Variants in RFX8 observed in about 807,000 individuals in gnomAD.
RFX8 encodes the protein DNA-binding protein RFX8.
Under a neutral mutation model 54.6 loss-of-function variants are expected in RFX8, and 46 were observed. The ratio of observed to expected loss-of-function variants is 0.84; its 90% confidence interval spans 0.67 to 1.08. RFX8 has a LOEUF of 1.08. Among genes scored for constraint, RFX8 ranks in the 50% least tolerant of loss-of-function variants. The pLI is 0.00. For synonymous variants in RFX8, 192 were observed against 209.5 expected (o/e 0.92, Z 0.72); for missense variants, 536 against 562.3 (o/e 0.95, Z 0.47).
intron 2 of RFX8, among the ~76,000 whole-genome samples, chr2:101,428,608 C>T (rs1022930173): frequency 2.0e-5 from 3 of 152,234 alleles, no homozygotes; most frequent in African/African-American, 7.2e-5. Flanking sequence ...ATTAGTTATT[C>T]ATAGTTCTGG....
At chr2:101,401,032 A>G (rs560153124) in intron 11 of RFX8, among the ~76,000 whole-genome samples, 3 of 152,218 alleles carry the variant, frequency 2.0e-5, no homozygotes, top group Non-Finnish European at 2.9e-5. Flanking sequence ...AGCACCCCCA[A>G]GTTGGGGTCA....
intron 2 of RFX8, among the ~76,000 whole-genome samples, chr2:101,423,792 C>T (rs183011144): frequency 1.1e-4 from 16 of 152,264 alleles, no homozygotes; most frequent in Admixed American, 7.2e-4. Flanking sequence ...GCTCAGACAC[C>T]ATCCCACACA....
chr2:101,453,863 AT>A (rs1431598152), intron 2 of RFX8, among the ~76,000 whole-genome samples: 1 of 151,860 alleles, frequency 6.6e-6, no homozygotes, highest in Non-Finnish European at 1.5e-5. Flanking sequence ...TAATTTTACC[AT>A]TTTCCTCTTT....
At chr2:101,470,738 G>C (rs1327586104) in intron 1 of RFX8, among the ~76,000 whole-genome samples, 1 of 22,124 alleles carries the variant, frequency 4.5e-5, no homozygotes, top group Non-Finnish European at 9.1e-5. Context: ...TTTTTTTTTT[G>C]AGATGGAGTC....
At chr2:101,411,630 A>T (rs1190893492) in intron 8 of RFX8, among the ~76,000 whole-genome samples, 1 of 152,096 alleles carries the variant, frequency 6.6e-6, no homozygotes, top group African/African-American at 2.4e-5. Flanking sequence ...AGAATTACTA[A>T]TCAGAATTAG....
intron 2 of RFX8, among the ~76,000 whole-genome samples, chr2:101,457,338 G>A (rs1689030220): frequency 6.6e-6 from 1 of 152,058 alleles, no homozygotes; most frequent in Non-Finnish European, 1.5e-5. Context: ...TCTCTTGTGG[G>A]CATTTAGTGC....
At chr2:101,406,113 A>G (rs911147147) in intron 9 of RFX8, 56 bp from the exon 10 acceptor site, 7 of 1,031,514 alleles carry the variant, frequency 6.8e-6, no homozygotes, top group Non-Finnish European at 1.0e-5. Flanking sequence ...CAAGAAGCAT[A>G]GTATGTTTTC....
At chr2:101,431,707 C>T (rs1040887566) in intron 2 of RFX8, among the ~76,000 whole-genome samples, 7 of 152,202 alleles carry the variant, frequency 4.6e-5, no homozygotes, top group South Asian at 2.1e-4. Context: ...ATGCTCATTA[C>T]GACTGAGTAA....
Position 101,474,215 on chromosome 2 carries a change from C to T in RFX8, c.-53+421G>A, listed in dbSNP as rs550220562. The stretch of plus-strand genomic sequence containing the variant: ...CTGGCGGCTCACCACTGGATGACGC[C>T]GCTGTGCGGGCCCCGGCTACCCTCG... On this transcript the variant is annotated intron_variant, in intron 1 of 11. Transcript: ENST00000428343. 1.0e-4 allele frequency: 61 copies of T among 601,704 alleles called. No homozygotes were observed. In the South Asian group the frequency reaches 1.0e-3, roughly 10 times the overall value. 37.3% of individuals were successfully genotyped at this position (601,704 alleles called of 1,614,324 possible). A position where few individuals can be genotyped will look rare whatever the true frequency, so the allele number is the denominator to read the frequency against.
intron 2 of RFX8, among the ~76,000 whole-genome samples, chr2:101,445,634 T>C (rs1030066349): frequency 3.9e-5 from 6 of 151,936 alleles, no homozygotes; most frequent in Admixed American, 1.3e-4. Flanking sequence ...CTTGCTTTAT[T>C]GCCCAGGCTG....
At chr2:101,467,143 TTTTG>T (rs1689616013) in intron 1 of RFX8, among the ~76,000 whole-genome samples, 1 of 152,184 alleles carries the variant, frequency 6.6e-6, no homozygotes, top group African/African-American at 2.4e-5. Flanking sequence ...GTGTTTCTGT[TTTTG>T]TTTGTTTCCT....
chr2:101,462,262 T>C (rs536455995), intron 2 of RFX8, among the ~76,000 whole-genome samples: 33 of 152,264 alleles, frequency 2.2e-4, no homozygotes, highest in African/African-American at 7.5e-4. Flanking sequence ...ACCCTGTCTC[T>C]GCAAACAAAA....
At chr2:101,450,687 A>C in intron 2 of RFX8, 3 of 1,422,462 alleles carry the variant, frequency 2.1e-6, no homozygotes, top group Non-Finnish European at 2.9e-6. Context: ...ATACCTGGAA[A>C]AATAAAGGTT....
chr2:101,474,282 G>T (rs1385482937), intron 1 of RFX8: 4 of 558,620 alleles, frequency 7.2e-6, no homozygotes, highest in Non-Finnish European at 1.3e-5. Context: ...CCATGGCTCG[G>T]CCCCGGGCCT....
At chr2:101,460,353 G>A (rs564295468) in intron 2 of RFX8, among the ~76,000 whole-genome samples, 1 of 152,272 alleles carries the variant, frequency 6.6e-6, no homozygotes, top group East Asian at 1.9e-4. Flanking sequence ...GCAGATAGGA[G>A]CTGTTCCTAT....
chr2:101,453,543 C>T (rs945384884), intron 2 of RFX8, among the ~76,000 whole-genome samples: 1 of 152,104 alleles, frequency 6.6e-6, no homozygotes, highest in East Asian at 1.9e-4. Context: ...GAGTGCATCG[C>T]ACTCTAGCCT....
intron 2 of RFX8, among the ~76,000 whole-genome samples, chr2:101,423,740 G>T (rs577459691): frequency 6.6e-6 from 1 of 152,298 alleles, no homozygotes; most frequent in South Asian, 2.1e-4. Context: ...GGGCAGGGCA[G>T]CTTCTCTAAC....
chr2:101,465,776 A>C (rs569774184), intron 2 of RFX8, among the ~76,000 whole-genome samples: 1 of 152,258 alleles, frequency 6.6e-6, no homozygotes, highest in Admixed American at 6.5e-5. Context: ...CTGAACAGAT[A>C]CAGAAAAATA....
intron 2 of RFX8, among the ~76,000 whole-genome samples, chr2:101,441,780 A>G (rs533186036): frequency 2.6e-5 from 4 of 152,258 alleles, no homozygotes; most frequent in African/African-American, 9.6e-5. Context: ...CAACCTGCCT[A>G]TGTCACTGAA....
Sources: gnomAD v4.1 joint callset for allele counts (sites outside exome capture counted in the v4.1 genomes callset) on GRCh38, gnomAD v4.1.1 for gene constraint, MANE v1.5 for transcripts, NCBI Gene and HGNC (gene_info 2026-07-23, HGNC 2026-07-21) for gene names.